The following DNAH3 variants were observed in gnomAD, a reference collection of about 807,000 sequenced individuals.
The protein encoded by DNAH3 is dynein axonemal heavy chain 3, also known as axonemal beta dynein heavy chain 3.
Under a neutral mutation model 432.5 loss-of-function variants are expected in DNAH3, and 332 were observed. The observed-to-expected ratio is 0.77, with a 90% confidence interval of 0.70 to 0.84. DNAH3 has a LOEUF of 0.84. DNAH3 is among the 40% of genes least tolerant of loss of function. DNAH3 has a pLI of 0.00. For synonymous variants in DNAH3, 1,956 were observed against 1,900.2 expected (o/e 1.03, Z -0.76); for missense variants, 4,861 against 5,114.0 (o/e 0.95, Z 1.51).
In DNAH3 at chr16:21,099,117, T is replaced by C. The variant is rs149313794; in HGVS notation, c.2367-348A>G. ...CAGCCATTAGACATTTATTATTGAG[T>C]GCCTAATATATTCTATAACTGCCCT... On this transcript the variant is annotated intron_variant, in intron 16 of 61. Transcript: ENST00000261383. Among the ~76,000 whole-genome samples the C allele has an allele frequency of 1.8e-4, 28 of 152,332 alleles. No homozygotes were observed. In the East Asian group the frequency reaches 5.2e-3, roughly 28 times the overall value.
intron 34 of DNAH3, among the ~76,000 whole-genome samples, chr16:21,037,468 G>A (rs1017523305): frequency 6.6e-6 from 1 of 152,192 alleles, no homozygotes; most frequent in African/African-American, 2.4e-5. Flanking sequence ...AGCCTGGCAA[G>A]TAAGATTAAA....
chr16:21,005,161 CTTT>C (rs1567623343), intron 41 of DNAH3, among the ~76,000 whole-genome samples: 14 of 136,580 alleles, frequency 1.0e-4, no homozygotes, highest in South Asian at 9.6e-4. Flanking sequence ...TCTTTCTTTT[CTTT>C]CTTTCTTTTT....
chr16:21,068,325 T>TG (rs10547729), intron 23 of DNAH3, among the ~76,000 whole-genome samples: 1,003 of 76,510 alleles, frequency 0.013, 18 homozygotes, highest in East Asian at 0.061. Context: ...TTTTTTTGGG[T>TG]GGGGGGGGGG....
chr16:21,158,540 T>G (rs1225864020), intron 1 of DNAH3: 1 of 152,376 alleles, frequency 6.6e-6, no homozygotes, highest in Non-Finnish European at 1.5e-5. Context: ...GCGCCGGGCC[T>G]TGGCGCGCCT....
At chr16:20,996,584 C>T (rs1053230209) in intron 44 of DNAH3, among the ~76,000 whole-genome samples, 1 of 152,158 alleles carries the variant, frequency 6.6e-6, no homozygotes, top group East Asian at 1.9e-4. Context: ...CTCAGCCTCC[C>T]AAGTAGCTGG....
At chr16:21,013,702 A>G (rs1482147033) in intron 41 of DNAH3, among the ~76,000 whole-genome samples, 3 of 146,020 alleles carry the variant, frequency 2.1e-5, no homozygotes, top group Non-Finnish European at 4.5e-5. Context: ...CTGGGCAACA[A>G]GAGTGAAACT....
intron 1 of DNAH3, among the ~76,000 whole-genome samples, chr16:21,155,774 C>T (rs1476412838): frequency 6.6e-6 from 1 of 151,632 alleles, no homozygotes; most frequent in African/African-American, 2.4e-5. Context: ...AATCTGCCAA[C>T]ATGGGGAGCA....
chr16:20,989,453 A>T (rs932756103), intron 44 of DNAH3, among the ~76,000 whole-genome samples: 4 of 151,694 alleles, frequency 2.6e-5, no homozygotes, highest in African/African-American at 9.7e-5. Context: ...CTAGATACAG[A>T]GTGTCGATTG....
intron 9 of DNAH3, among the ~76,000 whole-genome samples, chr16:21,123,600 A>T (rs2092388539): frequency 6.6e-6 from 1 of 152,198 alleles, no homozygotes; most frequent in African/African-American, 2.4e-5. Context: ...CAAAAGACCA[A>T]TTGTTAATCT....
chr16:21,102,648 C>A (rs941135827), intron 16 of DNAH3, among the ~76,000 whole-genome samples: 1 of 152,130 alleles, frequency 6.6e-6, no homozygotes, highest in Non-Finnish European at 1.5e-5. Context: ...GATTTTGCCA[C>A]CCAAGTTGTA....
At chr16:20,978,518 T>A (rs12922772) in intron 50 of DNAH3, among the ~76,000 whole-genome samples, 3 of 152,040 alleles carry the variant, frequency 2.0e-5, no homozygotes, top group Non-Finnish European at 4.4e-5. Flanking sequence ...AAGAGAGAGA[T>A]TGCGTCTCGA....
chr16:21,140,799 G>T, intron 4 of DNAH3, 89 bp from the exon 6 acceptor site: 1 of 1,232,802 alleles, frequency 8.1e-7, no homozygotes, highest in Non-Finnish European at 1.1e-6. Flanking sequence ...TGATGAGTGT[G>T]GTTCTGCAAA....
intron 37 of DNAH3, among the ~76,000 whole-genome samples, chr16:21,028,807 G>A (rs8044244): frequency 0.055 from 8,411 of 152,240 alleles, 739 homozygotes; most frequent in African/African-American, 0.19. Context: ...CCAGTGAGAT[G>A]TTTAAGTTAT....
chr16:20,977,247 C>T (rs1165474863), intron 50 of DNAH3, among the ~76,000 whole-genome samples: 2 of 152,050 alleles, frequency 1.3e-5, no homozygotes, highest in Admixed American at 6.6e-5. Context: ...CGCTGTGGCA[C>T]GTGCCTGTAA....
chr16:21,106,353 C>T, intron 15 of DNAH3, 137 bp downstream of exon 15: 1 of 740,068 alleles, frequency 1.4e-6, no homozygotes, highest in Non-Finnish European at 1.9e-6. Flanking sequence ...TGGTAGAATT[C>T]ATATAACTAT....
intron 39 of DNAH3, 61 bp from the exon 40 acceptor site, chr16:21,022,161 G>C: frequency 3.2e-6 from 5 of 1,583,408 alleles, no homozygotes; most frequent in Non-Finnish European, 4.3e-6. Context: ...TGACGACCAA[G>C]AGCTTGGTCT....
At chr16:21,049,841 C>T (rs896485625) in intron 30 of DNAH3, 69 bp downstream of exon 30, 3 of 1,413,628 alleles carry the variant, frequency 2.1e-6, no homozygotes, top group Middle Eastern at 1.9e-4. Context: ...AAAGTTGATG[C>T]CTACTTCCCA....
chr16:21,083,248 T>C (rs1209285375), intron 19 of DNAH3, among the ~76,000 whole-genome samples: 1 of 152,170 alleles, frequency 6.6e-6, no homozygotes, highest in African/African-American at 2.4e-5. Flanking sequence ...ACTCCTGACC[T>C]CAGGTGATTT....
At chr16:21,010,879 C>A (rs896263635) in intron 41 of DNAH3, among the ~76,000 whole-genome samples, 4 of 148,006 alleles carry the variant, frequency 2.7e-5, no homozygotes, top group African/African-American at 1.0e-4. Context: ...CCACGCCCGG[C>A]CAAAACCTGT....
Sources: gnomAD v4.1 joint callset for allele counts (sites outside exome capture counted in the v4.1 genomes callset) on GRCh38, gnomAD v4.1.1 for gene constraint, MANE v1.5 for transcripts, NCBI Gene and HGNC (gene_info 2026-07-23, HGNC 2026-07-21) for gene names.